The following MTR variants were observed in gnomAD, a reference collection of about 807,000 sequenced individuals.
MTR encodes 5-methyltetrahydrofolate-homocysteine methyltransferase.
A neutral mutation model predicts 154.8 loss-of-function variants in MTR; 84 were observed. The ratio of observed to expected loss-of-function variants is 0.54; its 90% CI spans 0.45 to 0.65. The LOEUF is 0.65. Ranked by LOEUF, MTR falls within the 30% of genes least tolerant of loss-of-function variation. The pLI is 0.00. For missense variants in MTR, 1,275 were observed against 1,570.2 expected (o/e 0.81, Z 3.18); for synonymous variants, 554 against 553.9 (o/e 1.00, Z 0.00).
chr1:236,850,125 A>G (rs1257667242), intron 15 of MTR, among the ~76,000 whole-genome samples: 1 of 152,158 alleles, frequency 6.6e-6, no homozygotes. Context: ...CTCCTCTGAG[A>G]TAATTTGATA....
At chr1:236,847,938 G>A (rs1022565723) in intron 15 of MTR, among the ~76,000 whole-genome samples, 1 of 152,176 alleles carries the variant, frequency 6.6e-6, no homozygotes, top group African/African-American at 2.4e-5. Flanking sequence ...CCCTGGTGAG[G>A]AGTAAGACAG....
chr1:236,825,396 A>G lies in MTR; in HGVS notation c.924A>G (p.Leu308=). ...DETPSMMAKH[L]KDFAMDGLVN... is the part of the protein sequence containing the mutation. ...CGCCTTCTATGATGGCCAAGCACCT[A>G]AAGGTCAGGGGTCCCCCTTTCACTG... Residue 308 remains leucine (L), a synonymous_variant, in exon 10 of 33, where the codon CTA becomes CTG. Coordinates refer to ENST00000366577, the MANE Select transcript of MTR (RefSeq NM_000254.3). 2.5e-6 allele frequency: 4 copies of G among 1,612,742 alleles called. No homozygotes were observed. The highest frequency in any genetic ancestry group is 3.4e-6 in the Non-Finnish European group (4 of 1,178,740).
At position 236,900,032 on chromosome 1, in the gene MTR, G is replaced by C. The variant is rs78990641; in HGVS notation, c.*2388G>C. On this transcript the variant is annotated 3_prime_UTR_variant, in exon 33 of 33. Transcript: ENST00000366577. ...TCCCTTACAGACTTGAACATTTGCA[G>C]ACGTTATGATCTTGCTTCCAACTCC... 0.013 allele frequency: 3,167 copies of C among 237,294 alleles called. 107 individuals carry two copies. The highest frequency in any genetic ancestry group is 0.068 in the African/African-American group (3,018 of 44,138). The allele number at this position is 237,294 out of a possible 1,614,324, so 14.7% of individuals were successfully genotyped here. A position where few individuals can be genotyped will look rare whatever the true frequency, so the allele number is the denominator to read the frequency against.
chr1:236,807,812 T>G (rs1186587597), intron 3 of MTR, among the ~76,000 whole-genome samples: 6 of 152,214 alleles, frequency 3.9e-5, no homozygotes, highest in African/African-American at 9.6e-5. Flanking sequence ...ATAGTACATA[T>G]TTCGGCTTTG....
chr1:236,894,656 G>GT, intron 30 of MTR, 99 bp downstream of exon 30: 9 of 1,094,990 alleles, frequency 8.2e-6, no homozygotes, highest in Admixed American at 4.9e-5. Flanking sequence ...TAGAACCAGT[G>GT]TCTTTTTTTT....
At chr1:236,824,727 T>A (rs1558288758) in intron 9 of MTR, among the ~76,000 whole-genome samples, 1 of 152,250 alleles carries the variant, frequency 6.6e-6, no homozygotes, top group Non-Finnish European at 1.5e-5. Context: ...TCCCTGTGAA[T>A]GTATTTGAGC....
chr1:236,891,959 G>A (rs1051708517), intron 29 of MTR, among the ~76,000 whole-genome samples: 3 of 152,054 alleles, frequency 2.0e-5, no homozygotes, highest in African/African-American at 4.8e-5. Context: ...GACTGTGCTG[G>A]CTTTTTTTCT....
At chr1:236,871,183 C>A (rs1012674468) in intron 22 of MTR, among the ~76,000 whole-genome samples, 3 of 152,112 alleles carry the variant, frequency 2.0e-5, no homozygotes, top group Admixed American at 6.5e-5. Flanking sequence ...CTTCCCGGAC[C>A]CCACCCCTGG....
intron 17 of MTR, 141 bp downstream of exon 17, chr1:236,852,778 C>A: frequency 1.9e-6 from 2 of 1,074,850 alleles, no homozygotes; most frequent in Non-Finnish European, 2.8e-6. Flanking sequence ...CACACCTATT[C>A]ATTTGTATCT....
chr1:236,897,240 A>T, intron 32 of MTR, 122 bp downstream of exon 32: 3 of 838,454 alleles, frequency 3.6e-6, no homozygotes, highest in Admixed American at 3.9e-5. Context: ...TACTCCAGTT[A>T]ATGTCTTAAT....
chr1:236,879,989 T>TAA lies in MTR; in HGVS notation c.2595-755_2595-754dup, dbSNP rs34152972. On this transcript the variant is annotated intron_variant, in intron 24 of 32. Transcript: ENST00000366577. ...TAACACAGTGAAACCCCATCTCTAC[T>TAA]AAAAAAAAAAAATAGAAAAAAATTA... is the stretch of plus-strand genomic sequence containing the variant. 1.4e-3 allele frequency among the ~76,000 whole-genome samples: 207 copies of TAA among 145,020 alleles called. 1 individual carries two copies. Among genetic ancestry groups the TAA allele is most frequent in the Middle Eastern group, 0.01 (3 of 286 alleles).
intron 24 of MTR, among the ~76,000 whole-genome samples, chr1:236,879,939 G>C (rs1665634081): frequency 6.6e-6 from 1 of 151,890 alleles, no homozygotes; most frequent in African/African-American, 2.4e-5. Flanking sequence ...GGATCACTAG[G>C]TCAGGAGATC....
intron 12 of MTR, 132 bp downstream of exon 12, chr1:236,829,400 T>C: frequency 1.2e-6 from 1 of 809,644 alleles, no homozygotes; most frequent in Non-Finnish European, 2.2e-6. Flanking sequence ...TTCTTGGCGC[T>C]TAAATGAATT....
At chr1:236,894,659 T>A in intron 30 of MTR, 102 bp downstream of exon 30, 2 of 301,136 alleles carry the variant, frequency 6.6e-6, no homozygotes, top group Non-Finnish European at 1.1e-5. Flanking sequence ...AACCAGTGTC[T>A]TTTTTTTTTT....
Position 236,899,980 on chromosome 1 carries a change from A to G in MTR, c.*2336A>G. 2 of 204,798 alleles carry G rather than the reference A, an allele frequency of 9.8e-6. No individual in the cohort carries two copies. Among genetic ancestry groups the G allele is most frequent in the Middle Eastern group, 4.7e-4 (1 of 2,132 alleles). The allele number at this position is 204,798 out of a possible 1,614,324, so 12.7% of individuals were successfully genotyped here. On this transcript the variant is annotated 3_prime_UTR_variant, in exon 33 of 33. Transcript: ENST00000366577. ...TGTACAACATTGTGGATGTGTAAAC[A>G]GGCACCACTGCTTTAAAAAACAATT...
chr1:236,865,108 T>A (rs1413937387), intron 22 of MTR, among the ~76,000 whole-genome samples: 1 of 152,242 alleles, frequency 6.6e-6, no homozygotes. Context: ...GTGGCATTTC[T>A]CCAGGGTGCT....
At chr1:236,858,776 C>T (rs931122194) in intron 18 of MTR, among the ~76,000 whole-genome samples, 11 of 152,162 alleles carry the variant, frequency 7.2e-5, no homozygotes, top group African/African-American at 1.7e-4. Flanking sequence ...CTTAGGTTTC[C>T]GGTTTGGCAG....
At chr1:236,891,434 A>G in intron 29 of MTR, 105 bp downstream of exon 29, 1 of 1,157,326 alleles carries the variant, frequency 8.6e-7, no homozygotes, top group African/African-American at 1.5e-5. Flanking sequence ...CTCCTCCCAA[A>G]TGACCAATCA....
intron 16 of MTR, among the ~76,000 whole-genome samples, chr1:236,851,996 A>C (rs896101527): frequency 6.6e-6 from 1 of 152,166 alleles, no homozygotes; most frequent in East Asian, 1.9e-4. Context: ...GCATAGACCC[A>C]GAAGTGGTTG....
Sources: allele counts gnomAD v4.1 joint callset (sites outside exome capture counted in the v4.1 genomes callset), GRCh38; gene constraint gnomAD v4.1.1; transcripts MANE v1.5; gene names NCBI Gene and HGNC (gene_info 2026-07-23, HGNC 2026-07-21).